The following USP6NL variants were observed in gnomAD, a reference collection of about 807,000 sequenced individuals.
USP6NL encodes the protein USP6 N-terminal like, also known as USP6 N-terminal-like protein.
USP6NL carries 26 observed loss-of-function variants against 61.9 expected under a neutral mutation model. That is an observed-to-expected ratio of 0.42 (90% CI 0.31 to 0.58). The LOEUF is 0.58. Among genes scored for constraint, USP6NL ranks in the 20% least tolerant of loss-of-function variants. USP6NL has a pLI of 0.16. For synonymous variants in USP6NL, 432 were observed against 390.1 expected (o/e 1.11, Z -1.27); for missense variants, 1,114 against 1,034.3 (o/e 1.08, Z -1.06).
rs1008112196 is a variant in USP6NL at position 11,541,941 on chromosome 10, T to G, written c.5-14374A>C. On this transcript the variant is annotated intron_variant, in intron 2 of 14. Transcript: ENST00000609104. ...CTTTTCTATAACATAGTACGGTGAC[T>G]AGAAAGGAAAACTTGCTCCTCGGTA... 4.6e-5 allele frequency among the ~76,000 whole-genome samples: 7 copies of G among 152,328 alleles called. No individual in the cohort carries two copies. The South Asian group carries it at 1.5e-3, about 32-fold the overall frequency.
intron 10 of USP6NL, among the ~76,000 whole-genome samples, chr10:11,488,325 G>A (rs1833565046): frequency 6.6e-6 from 1 of 152,164 alleles, no homozygotes; most frequent in Non-Finnish European, 1.5e-5. Flanking sequence ...TAATGAGGCG[G>A]GAGGATGGCT....
chr10:11,552,557 C>A (rs1271639889), intron 2 of USP6NL, among the ~76,000 whole-genome samples: 1 of 152,196 alleles, frequency 6.6e-6, no homozygotes, highest in Non-Finnish European at 1.5e-5. Context: ...GTATAACTAA[C>A]TGCAACCACG....
At chr10:11,560,485 AT>A (rs545982718) in intron 2 of USP6NL, among the ~76,000 whole-genome samples, 40 of 151,232 alleles carry the variant, frequency 2.6e-4, no homozygotes, top group African/African-American at 8.0e-4. Context: ...AAGGCTCAGG[AT>A]TTTTTTTTCT....
chr10:11,572,815 A>C (rs1200102231), intron 2 of USP6NL, among the ~76,000 whole-genome samples: 1 of 152,108 alleles, frequency 6.6e-6, no homozygotes, highest in African/African-American at 2.4e-5. Flanking sequence ...TGAAATTGCC[A>C]ATATAATCAA....
At chr10:11,610,587 T>G (rs769952608) in intron 1 of USP6NL, among the ~76,000 whole-genome samples, 3 of 152,130 alleles carry the variant, frequency 2.0e-5, no homozygotes, top group Non-Finnish European at 4.4e-5. Context: ...CCATTTTCTT[T>G]CAACAAGCAA....
At position 11,551,225 on chromosome 10, in the gene USP6NL, T is replaced by C. The variant is rs200076823; in HGVS notation, c.5-23658A>G. Among the ~76,000 whole-genome samples, 67 of 152,322 alleles carry C rather than the reference T, an allele frequency of 4.4e-4. 1 individual carries two copies. The East Asian group carries it at 5.8e-3, about 13-fold the overall frequency. On this transcript the variant is annotated intron_variant, in intron 2 of 14. Transcript: ENST00000609104. ...TAGAAACAACCTAAATATCCATCAATTGGTGAAAAGGTAAGCAAATTTTGG... is the reference window on the plus strand; with the variant it reads ...TAGAAACAACCTAAATATCCATCAACTGGTGAAAAGGTAAGCAAATTTTGG...
intron 2 of USP6NL, among the ~76,000 whole-genome samples, chr10:11,560,952 G>C (rs561288622): frequency 1.3e-5 from 2 of 151,960 alleles, no homozygotes; most frequent in African/African-American, 4.8e-5. Flanking sequence ...TAATGTACAA[G>C]AAGTAACTGC....
chr10:11,585,479 A>T lies in USP6NL; in HGVS notation c.4+12152T>A, dbSNP rs1837930172. On this transcript the variant is annotated intron_variant, in intron 2 of 14. Transcript: ENST00000609104. The surrounding 1 kb of genome is among the most constrained non-coding windows in gnomAD (Gnocchi z 4.5). ...AGATTGAGACCATCCTGGCTAACAC[A>T]GTGAAACCCCGTGTCTACTAAAAAT... 6.6e-6 allele frequency among the ~76,000 whole-genome samples: 1 copy of T among 151,984 alleles called. No individual in the cohort carries two copies. Among genetic ancestry groups the T allele is most frequent in the African/African-American group, 2.4e-5 (1 of 41,372 alleles).
intron 2 of USP6NL, among the ~76,000 whole-genome samples, chr10:11,586,215 A>G (rs939992999): frequency 6.6e-6 from 1 of 152,192 alleles, no homozygotes; most frequent in Non-Finnish European, 1.5e-5. Flanking sequence ...CAATTACCAG[A>G]GCAAATGTAA....
intron 7 of USP6NL, among the ~76,000 whole-genome samples, chr10:11,497,976 G>A (rs542558742): frequency 1.3e-5 from 2 of 152,152 alleles, no homozygotes; most frequent in South Asian, 2.1e-4. Context: ...AGTGGCTCAC[G>A]CCTGTAATCC....
rs918610907 is a variant in USP6NL, at chr10:11,574,240, A to C, written c.4+23391T>G. Among the ~76,000 whole-genome samples, 1 of 152,208 alleles carries C rather than the reference A, an allele frequency of 6.6e-6. No homozygotes were observed. The highest frequency in any genetic ancestry group is 1.5e-5 in the Non-Finnish European group (1 of 68,022). ...AATAAAATCTATCTTGCTAACTCTA[A>C]GCTCCCAGATTTGCATAAAAGATAT... On this transcript the variant is annotated intron_variant, in intron 2 of 14. Transcript: ENST00000609104. This position sits in a 1 kb window ranked among gnomAD's most constrained non-coding sequence, Gnocchi z 4.3.
chr10:11,525,482 C>T lies in USP6NL; in HGVS notation c.73-14G>A. 1 of 1,536,894 alleles carries T rather than the reference C, an allele frequency of 6.5e-7. No individual in the cohort carries two copies. Among genetic ancestry groups the T allele is most frequent in the South Asian group, 1.3e-5 (1 of 77,322 alleles). On this transcript the variant is annotated splice_polypyrimidine_tract_variant and intron_variant, in intron 3 of 14. Transcript: ENST00000609104. This position sits in a 1 kb window ranked among gnomAD's most constrained non-coding sequence, Gnocchi z 5.0. ...ACCTTCTCGTCCCTAAAATAAGGCA[C>T]AAAAAAAGGTGTTAATCAGAGTTTA...
At chr10:11,557,221 T>C (rs1026421824) in intron 2 of USP6NL, among the ~76,000 whole-genome samples, 2 of 152,090 alleles carry the variant, frequency 1.3e-5, no homozygotes, top group Admixed American at 1.3e-4. Context: ...ATTCAACATA[T>C]TAGAGAGAGA....
rs767841142 is a variant in USP6NL, at chr10:11,462,966, A to G, written c.1962T>C (p.Ala654=). ...GAGTCCCAGGGCTAAACTGTGGAGA[A>G]GCAAAGCTGCTGTTGGCAGTAGGGA... ...KHFPTANSSF[A]SPQFSPGTQL... Residue 654 remains alanine, a synonymous_variant, in exon 15 of 15, where the codon GCT becomes GCC. Transcript: ENST00000609104. 3.1e-6 allele frequency: 5 copies of G among 1,613,746 alleles called. No homozygotes were observed. In the African/African-American group the frequency reaches 4.0e-5, roughly 13 times the overall value.
chr10:11,485,925 A>AT lies in USP6NL; in HGVS notation c.665-15dup. The stretch of plus-strand genomic sequence containing the variant: ...GGACAAAAAAGCCTAGAATACAAAC[A>AT]TAAAAACAACATTTCATAAACAATA... On this transcript the variant is annotated splice_polypyrimidine_tract_variant and intron_variant, in intron 10 of 14. Coordinates refer to ENST00000609104, the MANE Select transcript of USP6NL (RefSeq NM_014688.5). This position sits in a 1 kb window ranked among gnomAD's most constrained non-coding sequence, Gnocchi z 4.8. 6.6e-7 allele frequency: 1 copy of AT among 1,512,342 alleles called. No individual in the cohort carries two copies. Among genetic ancestry groups the AT allele is most frequent in the Non-Finnish European group, 8.9e-7 (1 of 1,121,918 alleles). The allele number at this position is 1,512,342 out of a possible 1,614,324, so 93.7% of individuals were successfully genotyped here.
rs779006450 is a variant in USP6NL, at chr10:11,478,793, T to C, written c.1078+2977A>G. Among the ~76,000 whole-genome samples the C allele has an allele frequency of 3.5e-4, 53 of 151,998 alleles. No homozygotes were observed. The highest frequency in any genetic ancestry group is 2.9e-4 in the Non-Finnish European group (20 of 68,008). On this transcript the variant is annotated intron_variant, in intron 14 of 14. Coordinates refer to ENST00000609104, the MANE Select transcript of USP6NL (RefSeq NM_014688.5). This position sits in a 1 kb window ranked among gnomAD's most constrained non-coding sequence, Gnocchi z 6.8. ...GGTGGCATGCACCTGTAGTCCCAGC[T>C]ACCTGGGGAGACTGAGGTGGGAGGA...
chr10:11,501,319 GC>G (rs2133308032), intron 6 of USP6NL, 111 bp from the exon 7 acceptor site: 1 of 816,534 alleles, frequency 1.2e-6, no homozygotes, highest in East Asian at 2.7e-5. Flanking sequence ...AGCATCTATG[GC>G]AATTAATTAA....
At chr10:11,544,740 C>T (rs1371868929) in intron 2 of USP6NL, among the ~76,000 whole-genome samples, 13 of 152,148 alleles carry the variant, frequency 8.5e-5, no homozygotes, top group African/African-American at 2.4e-4. Flanking sequence ...CCACCCGCCT[C>T]GGCCTCCCAA....
At position 11,597,708 on chromosome 10, in the gene USP6NL, A is replaced by T; in HGVS notation, c.-74T>A. ...TCTGCTGTCCAAGGTTTCTCAGAGG[A>T]ATACATGTCCTAGTCAGGAAACAAA... is the stretch of plus-strand genomic sequence containing the variant. On this transcript the variant is annotated 5_prime_UTR_variant, in exon 2 of 15. Coordinates refer to ENST00000609104, the MANE Select transcript of USP6NL (RefSeq NM_014688.5). The surrounding 1 kb of genome is among the most constrained non-coding windows in gnomAD (Gnocchi z 4.6). 8.5e-7 allele frequency: 1 copy of T among 1,175,862 alleles called. No individual in the cohort carries two copies. The highest frequency in any genetic ancestry group is 1.2e-6 in the Non-Finnish European group (1 of 804,410). 72.8% of individuals were successfully genotyped at this position (1,175,862 alleles called of 1,614,324 possible).
Sources: gnomAD v4.1 joint callset for allele counts (sites outside exome capture counted in the v4.1 genomes callset) on GRCh38, gnomAD v4.1.1 for gene constraint, Gnocchi (gnomAD v3.1) non-coding constraint, MANE v1.5 for transcripts, NCBI Gene and HGNC (gene_info 2026-07-23, HGNC 2026-07-21) for gene names.